Variants in MAPK10 observed in about 807,000 individuals in gnomAD.
The protein encoded by MAPK10 is mitogen-activated protein kinase 10.
In MAPK10, 25 loss-of-function variants were observed where a neutral mutation model predicts 59.3. The ratio of observed to expected loss-of-function variants is 0.42; its 90% CI spans 0.31 to 0.59. The LOEUF (loss-of-function observed/expected upper bound fraction) is 0.59, where lower values mean the gene tolerates loss of function less well. MAPK10 is among the 20% of genes least tolerant of loss of function. The probability of loss-of-function intolerance (pLI) is 0.15; values close to 1 mark genes in which losing one functional copy is unlikely to be tolerated. For missense variants in MAPK10, 351 were observed against 568.9 expected (o/e 0.62, Z 3.90); for synonymous variants, 190 against 200.5 (o/e 0.95, Z 0.44).
At chr4:86,359,040 T>C (rs1406069859) in intron 1 of MAPK10, among the ~76,000 whole-genome samples, 1 of 152,136 alleles carries the variant, frequency 6.6e-6, no homozygotes, top group Non-Finnish European at 1.5e-5. Context: ...CTAGAGTTGC[T>C]CTGCAAGAGT....
chr4:86,557,760 G>C lies in MAPK10; in HGVS notation c.-263+36150C>G, dbSNP rs150840831. Among the ~76,000 whole-genome samples, 249 of 152,132 alleles carry C rather than the reference G, an allele frequency of 1.6e-3. 3 individuals are homozygous for C. Among genetic ancestry groups the C allele is most frequent in the African/African-American group, 5.6e-3 (232 of 41,542 alleles). On this transcript the variant is annotated intron_variant, in intron 1 of 4. Transcript: ENST00000502302. ...ATATTTTCTGTTTTCATATTAGTCA[G>C]TTAGCACTCAAGAAACTCCGTATGC...
At chr4:86,340,684 A>G (rs990089687) in intron 2 of MAPK10, among the ~76,000 whole-genome samples, 1 of 152,164 alleles carries the variant, frequency 6.6e-6, no homozygotes, top group African/African-American at 2.4e-5. Flanking sequence ...ACTAAAAAGT[A>G]AACAAAGCAG....
chr4:86,522,157 C>T (rs956293585), intron 1 of MAPK10, among the ~76,000 whole-genome samples: 2 of 152,186 alleles, frequency 1.3e-5, no homozygotes, highest in Non-Finnish European at 2.9e-5. Context: ...CAGAGTCTGA[C>T]TTATCCCTCT....
chr4:86,098,634 A>G (rs757897889), intron 8 of MAPK10, 39 bp from the exon 9 acceptor site: 26 of 1,451,612 alleles, frequency 1.8e-5, no homozygotes, highest in Non-Finnish European at 2.2e-5. Context: ...AAAAGGGAGG[A>G]AAGTAAAGTT....
intron 1 of MAPK10, among the ~76,000 whole-genome samples, chr4:86,591,397 A>G (rs1763037110): frequency 6.6e-6 from 1 of 152,104 alleles, no homozygotes; most frequent in Non-Finnish European, 1.5e-5. Flanking sequence ...TTTTTGAGAC[A>G]GGATCTCACT....
chr4:86,259,263 A>G (rs1175495286), intron 2 of MAPK10, among the ~76,000 whole-genome samples: 4 of 152,158 alleles, frequency 2.6e-5, no homozygotes, highest in Non-Finnish European at 5.9e-5. Context: ...TGAAATATCT[A>G]TATTTCCATT....
intron 2 of MAPK10, among the ~76,000 whole-genome samples, chr4:86,262,691 C>G (rs1231410270): frequency 6.6e-6 from 1 of 152,118 alleles, no homozygotes; most frequent in African/African-American, 2.4e-5. Flanking sequence ...CTAACCAATA[C>G]AGTGAAAAAA....
At chr4:86,225,015 T>C (rs1217218752) in intron 2 of MAPK10, among the ~76,000 whole-genome samples, 1 of 152,218 alleles carries the variant, frequency 6.6e-6, no homozygotes, top group Non-Finnish European at 1.5e-5. Flanking sequence ...AGTGTGTAAA[T>C]TTAACTGCTA....
chr4:86,115,960 G>A (rs2149100997), intron 4 of MAPK10, among the ~76,000 whole-genome samples: 1 of 152,296 alleles, frequency 6.6e-6, no homozygotes, highest in Admixed American at 6.5e-5. Context: ...AGAGCCAAGT[G>A]GGCATGTTTC....
chr4:86,323,427 T>C (rs1444252009), intron 2 of MAPK10, among the ~76,000 whole-genome samples: 1 of 152,202 alleles, frequency 6.6e-6, no homozygotes, highest in Non-Finnish European at 1.5e-5. Flanking sequence ...TTGAGCTAAG[T>C]GTTTTATGTA....
chr4:86,029,698 C>T (rs980555324), intron 12 of MAPK10, among the ~76,000 whole-genome samples: 4 of 152,070 alleles, frequency 2.6e-5, no homozygotes, highest in East Asian at 1.9e-4. Flanking sequence ...AATCTAGCAA[C>T]AATTTTTATG....
At chr4:86,387,516 T>C (rs1481344951) in intron 1 of MAPK10, among the ~76,000 whole-genome samples, 1 of 152,232 alleles carries the variant, frequency 6.6e-6, no homozygotes, top group Non-Finnish European at 1.5e-5. Flanking sequence ...TTTCCTGATG[T>C]TTATTTTTCC....
At chr4:86,403,807 C>T (rs1013873149) in intron 1 of MAPK10, among the ~76,000 whole-genome samples, 2 of 152,120 alleles carry the variant, frequency 1.3e-5, no homozygotes, top group African/African-American at 4.8e-5. Context: ...ACCTCCCTCC[C>T]TTGACACATG....
intron 11 of MAPK10, among the ~76,000 whole-genome samples, chr4:86,062,078 G>A (rs1450362346): frequency 1.3e-5 from 2 of 152,070 alleles, no homozygotes; most frequent in African/African-American, 2.4e-5. Flanking sequence ...CTTCTTAGTT[G>A]TGACCACTGT....
At chr4:86,179,254 T>C (rs983227946) in intron 3 of MAPK10, among the ~76,000 whole-genome samples, 2 of 151,676 alleles carry the variant, frequency 1.3e-5, no homozygotes, top group African/African-American at 4.8e-5. Context: ...GTCAATTCCA[T>C]TTACAATAGT....
intron 1 of MAPK10, among the ~76,000 whole-genome samples, chr4:86,527,476 G>GTC (rs1228923679): frequency 6.6e-6 from 1 of 151,978 alleles, no homozygotes; most frequent in African/African-American, 2.4e-5. Flanking sequence ...TCTCACACCA[G>GTC]TCAGCATGCC....
intron 9 of MAPK10, among the ~76,000 whole-genome samples, chr4:86,070,266 G>GT (rs1180657010): frequency 6.6e-6 from 1 of 151,532 alleles, no homozygotes; most frequent in East Asian, 1.9e-4. Context: ...TCTACATATG[G>GT]TAAGTACTTG....
In MAPK10 at chr4:86,017,221, C is replaced by CAGGG; in HGVS notation, c.*6_*7insCCCT. 6.2e-7 allele frequency: 1 copy of CAGGG among 1,613,142 alleles called. No homozygotes were observed. The highest frequency in any genetic ancestry group is 8.5e-7 in the Non-Finnish European group (1 of 1,179,684). Reference sequence around the variant, plus strand: ...AAGAACGCTGGGTTTCGCAGGCAGGCGGCTAGTCACCTGCAACAACCCAGG... The same window carrying CAGGG: ...AAGAACGCTGGGTTTCGCAGGCAGGCAGGGGGCTAGTCACCTGCAACAACCCAGG... On this transcript the variant is annotated 3_prime_UTR_variant, in exon 14 of 14. Coordinates refer to ENST00000641462, the MANE Select transcript of MAPK10 (RefSeq NM_138982.4). The surrounding 1 kb of genome is among the most constrained non-coding windows in gnomAD (Gnocchi z 4.4).
chr4:86,302,469 C>T (rs982828986), intron 2 of MAPK10, among the ~76,000 whole-genome samples: 3 of 152,144 alleles, frequency 2.0e-5, no homozygotes, highest in African/African-American at 7.2e-5. Context: ...AGTCAACTGG[C>T]GAAGCGACTC....
Sources: allele counts gnomAD v4.1 joint callset (sites outside exome capture counted in the v4.1 genomes callset), GRCh38; gene constraint gnomAD v4.1.1; non-coding constraint Gnocchi (gnomAD v3.1); transcripts MANE v1.5; gene names NCBI Gene and HGNC (gene_info 2026-07-23, HGNC 2026-07-21).